SLC35F4: variants seen among roughly 807,000 people sequenced by gnomAD.
SLC35F4 encodes solute carrier family 35 member F4, also known as chromosome 14 open reading frame 36.
A neutral mutation model predicts 44.2 loss-of-function variants in SLC35F4; 24 were observed. That is an observed-to-expected ratio of 0.54 (90% confidence interval 0.39 to 0.76). SLC35F4 has a LOEUF of 0.76. SLC35F4 is among the 30% of genes least tolerant of loss of function. The pLI is 0.00. For missense variants in SLC35F4, 562 were observed against 586.1 expected (o/e 0.96, Z 0.42); for synonymous variants, 238 against 223.6 (o/e 1.06, Z -0.57).
At chr14:57,948,496 T>C (rs1233672657) in intron 1 of SLC35F4, among the ~76,000 whole-genome samples, 1 of 152,064 alleles carries the variant, frequency 6.6e-6, no homozygotes, top group Non-Finnish European at 1.5e-5. Context: ...TTTTGTTTTA[T>C]TTATCTTTTG....
chr14:57,731,124 A>C (rs1184270924), intron 1 of SLC35F4, among the ~76,000 whole-genome samples: 1 of 152,198 alleles, frequency 6.6e-6, no homozygotes, highest in East Asian at 1.9e-4. Context: ...CATCTTATTG[A>C]GGAAAGGATG....
chr14:57,982,105 A>T (rs1231162472), upstream of SLC35F4: 1 of 152,076 alleles, frequency 6.6e-6, no homozygotes, highest in Non-Finnish European at 1.5e-5. Flanking sequence ...CCTTTCCCAG[A>T]TCAAAAACCA....
rs931371885 is a variant in SLC35F4 at position 57,626,918 on chromosome 14, GT to G, written c.104-32795del. On this transcript the variant is annotated intron_variant, in intron 1 of 7. Coordinates refer to ENST00000556826, the MANE Select transcript of SLC35F4 (RefSeq NM_001306087.2). Reference sequence around the variant, plus strand: ...TGTGTAGAGTTTTCCCTTTTGAAAAGTTTTTTTACAGAAAATCTGAGGTTTT... The same window carrying G: ...TGTGTAGAGTTTTCCCTTTTGAAAAGTTTTTTACAGAAAATCTGAGGTTTT... 5.3e-5 allele frequency among the ~76,000 whole-genome samples: 8 copies of G among 152,132 alleles called. 1 individual carries two copies. Among genetic ancestry groups the G allele is most frequent in the South Asian group, 4.2e-4 (2 of 4,818 alleles).
At chr14:57,869,673 C>T (rs1302065558), upstream of SLC35F4, among the ~76,000 whole-genome samples, 1 of 152,202 alleles carries the variant, frequency 6.6e-6, no homozygotes, top group Non-Finnish European at 1.5e-5. Context: ...GCCAATGTTA[C>T]TTTGTACAAA....
At chr14:57,765,447 C>G (rs2077214180) in intron 1 of SLC35F4, among the ~76,000 whole-genome samples, 1 of 152,188 alleles carries the variant, frequency 6.6e-6, no homozygotes, top group African/African-American at 2.4e-5. Context: ...GCATTGAGAA[C>G]CACAGACACG....
At position 57,580,988 on chromosome 14, in the gene SLC35F4, G is replaced by A; in HGVS notation, c.807+226C>T. The A allele has an allele frequency of 1.1e-5, 4 of 379,254 alleles. No individual in the cohort carries two copies. The East Asian group carries it at 1.6e-4, about 15-fold the overall frequency. 23.5% of individuals were successfully genotyped at this position (379,254 alleles called of 1,614,324 possible). Reference sequence around the variant, plus strand: ...ACTTGTTTTCTCTGCCTGTTTTAGTGCCTCCTGTTGGAATGAGCTCACTAA... The same window carrying A: ...ACTTGTTTTCTCTGCCTGTTTTAGTACCTCCTGTTGGAATGAGCTCACTAA... On this transcript the variant is annotated intron_variant, in intron 4 of 7. Transcript: ENST00000556826.
chr14:57,689,230 T>C (rs529514168), intron 1 of SLC35F4, among the ~76,000 whole-genome samples: 1 of 152,280 alleles, frequency 6.6e-6, no homozygotes, highest in African/African-American at 2.4e-5. Flanking sequence ...ATTGAATTAG[T>C]AAGCCTCATT....
chr14:57,619,826 A>C lies in SLC35F4; in HGVS notation c.104-25702T>G, dbSNP rs372860730. Among the ~76,000 whole-genome samples, 3 of 152,140 alleles carry C rather than the reference A, an allele frequency of 2.0e-5. No homozygotes were observed. The East Asian group carries it at 5.8e-4, about 29-fold the overall frequency. ...GTTAGGCAAATTGCTAAGTAGAATA[A>C]CCAGTTCAGAGAAGAACACATATAA... On this transcript the variant is annotated intron_variant, in intron 1 of 7. Transcript: ENST00000556826.
intron 1 of SLC35F4, among the ~76,000 whole-genome samples, chr14:57,668,466 C>T (rs1429192074): frequency 1.3e-5 from 2 of 151,988 alleles, no homozygotes; most frequent in Non-Finnish European, 2.9e-5. Flanking sequence ...GGTTTTAGGT[C>T]TAACATTTAA....
intron 1 of SLC35F4, among the ~76,000 whole-genome samples, chr14:57,627,321 A>T (rs961941329): frequency 3.3e-5 from 5 of 152,106 alleles, no homozygotes; most frequent in Non-Finnish European, 7.4e-5. Context: ...ATATATTTAG[A>T]GTAGAGAAAC....
At chr14:57,623,380 A>G (rs906718798) in intron 1 of SLC35F4, among the ~76,000 whole-genome samples, 8 of 152,152 alleles carry the variant, frequency 5.3e-5, no homozygotes, top group Admixed American at 4.6e-4. Flanking sequence ...TTAACACCCC[A>G]CTGTCAACAT....
chr14:57,572,915 C>A (rs906892038), intron 4 of SLC35F4, among the ~76,000 whole-genome samples: 1 of 152,150 alleles, frequency 6.6e-6, no homozygotes, highest in South Asian at 2.1e-4. Flanking sequence ...GACAATATGT[C>A]ATTTCCTTGT....
At chr14:57,650,732 A>G (rs766525250) in intron 1 of SLC35F4, among the ~76,000 whole-genome samples, 4 of 152,126 alleles carry the variant, frequency 2.6e-5, no homozygotes, top group Non-Finnish European at 4.4e-5. Flanking sequence ...CTCTTTCCTT[A>G]GGCTTACAAA....
intron 1 of SLC35F4, among the ~76,000 whole-genome samples, chr14:57,733,606 G>A (rs570663766): frequency 2.6e-5 from 4 of 151,908 alleles, no homozygotes; most frequent in African/African-American, 9.6e-5. Context: ...AAAAGCACTG[G>A]TACCTTTTCC....
chr14:57,846,928 G>A (rs748610471), intron 1 of SLC35F4, among the ~76,000 whole-genome samples: 40 of 152,254 alleles, frequency 2.6e-4, no homozygotes, highest in Admixed American at 2.0e-3. Context: ...CTAGGAAAGC[G>A]ACAGATTATC....
intron 1 of SLC35F4, among the ~76,000 whole-genome samples, chr14:57,801,862 T>C (rs1302410382): frequency 6.6e-6 from 1 of 152,136 alleles, no homozygotes; most frequent in East Asian, 1.9e-4. Context: ...CAAACAGACT[T>C]AGACTCCCAC....
intron 1 of SLC35F4, among the ~76,000 whole-genome samples, chr14:57,650,866 A>G (rs2073753737): frequency 6.6e-6 from 1 of 152,088 alleles, no homozygotes; most frequent in African/African-American, 2.4e-5. Context: ...AGGCCTTAGA[A>G]TGTGCTGTTC....
intron 3 of SLC35F4, 147 bp from the exon 4 acceptor site, chr14:57,581,580 C>G: frequency 1.4e-6 from 1 of 735,396 alleles, no homozygotes; most frequent in South Asian, 2.0e-5. Flanking sequence ...GTTCTGAAAT[C>G]TGCGGGCTTC....
intron 4 of SLC35F4, among the ~76,000 whole-genome samples, chr14:57,574,111 C>A (rs2068655568): frequency 6.6e-6 from 1 of 152,138 alleles, no homozygotes; most frequent in African/African-American, 2.4e-5. Flanking sequence ...TAGAAAAGGA[C>A]AGGCAGTTGG....
Sources: gnomAD v4.1 joint callset for allele counts (sites outside exome capture counted in the v4.1 genomes callset) on GRCh38, gnomAD v4.1.1 for gene constraint, MANE v1.5 for transcripts, NCBI Gene and HGNC (gene_info 2026-07-23, HGNC 2026-07-21) for gene names.